The following FAT2 variants were observed in gnomAD, a reference collection of about 807,000 sequenced individuals.
The protein encoded by FAT2 is FAT atypical cadherin 2.
Under a neutral mutation model 295.3 loss-of-function variants are expected in FAT2, and 150 were observed. The observed-to-expected ratio is 0.51, with a 90% CI of 0.44 to 0.58. The LOEUF is 0.58. FAT2 is among the 20% of genes least tolerant of loss of function. The pLI, the probability that FAT2 is intolerant of heterozygous loss-of-function variation, is 0.00. For missense variants in FAT2, 4,868 were observed against 5,442.7 expected (o/e 0.89, Z 3.32); for synonymous variants, 2,026 against 2,150.3 (o/e 0.94, Z 1.60).
intron 1 of FAT2, among the ~76,000 whole-genome samples, chr5:151,588,084 A>C (rs1759247092): frequency 6.6e-6 from 1 of 152,168 alleles, no homozygotes; most frequent in Non-Finnish European, 1.5e-5. Context: ...AGTTACAGCT[A>C]TCTGTTGACT....
rs764919971 is a variant in FAT2, at chr5:151,505,589, G to T, written c.13026C>A (p.Gly4342=). 2.7e-5 allele frequency: 43 copies of T among 1,614,046 alleles called. No individual in the cohort carries two copies. Among genetic ancestry groups the T allele is most frequent in the Non-Finnish European group, 3.6e-5 (43 of 1,180,036 alleles). Residue 4342 remains glycine, a synonymous_variant, in exon 24 of 24, where the codon GGC becomes GGA. Coordinates refer to ENST00000261800, the MANE Select transcript of FAT2 (RefSeq NM_001447.3). The part of the protein sequence containing the change: ...EGSDMVESDY[G]SCEEVMF ...GCTAGAACATGACCTCCTCACAGCT[G>T]CCATAATCACTCTCCACCATGTCAG...
rs762516471 is a variant in FAT2 at position 151,567,983 on chromosome 5, C to A, written c.949G>T (p.Val317Phe). Residue 317 changes from valine to phenylalanine, a missense_variant, in exon 2 of 24, where the codon GTC becomes TTC. Physicochemically the swap from Val to Phe is conservative, Grantham distance 50. Transcript: ENST00000261800. ...ARSNEFSLVS[V>F]KDINWMEYLH... ...TACTCCATCCAGTTGATGTCTTTGA[C>A]AGACACCAAACTGAACTCATTGCTC... is the stretch of plus-strand genomic sequence containing the variant. 3 of 1,614,190 alleles carry A rather than the reference C, an allele frequency of 1.9e-6. No individual in the cohort carries two copies. The East Asian group carries it at 6.7e-5, about 36-fold the overall frequency.
intron 10 of FAT2, 37 bp downstream of exon 10, chr5:151,542,248 C>A (rs776960542): frequency 1.3e-6 from 2 of 1,527,662 alleles, no homozygotes; most frequent in Non-Finnish European, 1.8e-6. Flanking sequence ...TTTTTCGATA[C>A]ATTCCAGAGC....
chr5:151,569,615 T>G (rs1758444514), intron 1 of FAT2, among the ~76,000 whole-genome samples: 1 of 152,134 alleles, frequency 6.6e-6, no homozygotes, highest in African/African-American at 2.4e-5. Flanking sequence ...AGCAGACTAG[T>G]TCAAAATGCT....
chr5:151,514,969 A>G (rs1437552361), intron 20 of FAT2, among the ~76,000 whole-genome samples: 1 of 152,138 alleles, frequency 6.6e-6, no homozygotes, highest in East Asian at 1.9e-4. Flanking sequence ...TTCTTTACAG[A>G]TGATAATCTT....
At chr5:151,534,307 C>T (rs1754993077) in intron 13 of FAT2, 102 bp downstream of exon 13, 1 of 840,434 alleles carries the variant, frequency 1.2e-6, no homozygotes, top group Non-Finnish European at 1.8e-6. Context: ...AACAAGGAGG[C>T]ACCGCCCTTA....
chr5:151,550,945 C>T (rs1339168328), intron 7 of FAT2, 74 bp from the exon 8 acceptor site: 3 of 1,400,326 alleles, frequency 2.1e-6, no homozygotes, highest in East Asian at 2.3e-5. Context: ...CTGGACCTCC[C>T]TGTATCACCC....
rs1332323604 is a variant in FAT2 at position 151,529,391 on chromosome 5, C to T, written c.9813G>A (p.Gly3271=). The T allele has an allele frequency of 6.2e-7, 1 of 1,613,516 alleles. No homozygotes were observed. The highest frequency in any genetic ancestry group is 8.5e-7 in the Non-Finnish European group (1 of 1,179,932). The change falls in exon 15 of 24, where the codon GGG becomes GGA. Residue 3271 remains glycine, a splice_region_variant and synonymous_variant. Transcript: ENST00000261800. ...QGRFRLDART[G]ILYVNASLDF... is the part of the protein sequence containing the mutation. ...CCAGGCTTGCGTTGACATACAGGAT[C>T]CCTGAAGAAGCAAGAGGTGACAGCA...
rs570609588 is a variant in FAT2, at chr5:151,537,265, C to T, written c.9193+528G>A. 1.9e-3 allele frequency among the ~76,000 whole-genome samples: 252 copies of T among 134,488 alleles called. 2 individuals carry two copies. The highest frequency in any genetic ancestry group is 6.8e-3 in the African/African-American group (241 of 35,286). The allele number at this position is 134,488 out of a possible 152,430, so 88.2% of individuals were successfully genotyped here. On this transcript the variant is annotated intron_variant, in intron 12 of 23. Coordinates refer to ENST00000261800, the MANE Select transcript of FAT2 (RefSeq NM_001447.3). ...AAGAAAAAGGAGAATAATAAGAAGA[C>T]GATGGTGGTGGTGGAGGAGGAGGAG...
At chr5:151,558,338 G>C (rs1757875520) in intron 3 of FAT2, among the ~76,000 whole-genome samples, 1 of 152,144 alleles carries the variant, frequency 6.6e-6, no homozygotes. Flanking sequence ...CTTGTCGCCT[G>C]GGCACGGTGG....
chr5:151,577,039 C>A (rs996523834), intron 1 of FAT2, among the ~76,000 whole-genome samples: 2 of 152,184 alleles, frequency 1.3e-5, no homozygotes, highest in Admixed American at 1.3e-4. Context: ...TATGAGACCA[C>A]TCTCATATAT....
chr5:151,513,512 A>G (rs1297606293), intron 20 of FAT2, among the ~76,000 whole-genome samples: 2 of 152,204 alleles, frequency 1.3e-5, no homozygotes, highest in Non-Finnish European at 2.9e-5. Context: ...CAAATACCAC[A>G]TGTTCTCACT....
At position 151,512,184 on chromosome 5, in the gene FAT2, G is replaced by A. The variant is rs1405915875; in HGVS notation, c.11886C>T (p.Cys3962=). ...SQNTCLNGGK[C]SWTHGAGYVC... ...CCTCACCTGCCCCATGGGTCCATGA[G>A]CACTTCCCACCATTGAGGCATGTGT... Residue 3962 remains cysteine (C), a synonymous_variant, in exon 21 of 24, where the codon TGC becomes TGT. Transcript: ENST00000261800. This position sits in a 1 kb window ranked among gnomAD's most constrained non-coding sequence, Gnocchi z 4.1. 6.2e-7 allele frequency: 1 copy of A among 1,613,686 alleles called. No homozygotes were observed.
At position 151,517,656 on chromosome 5, in the gene FAT2, A is replaced by T. The variant is rs750298463; in HGVS notation, c.11427T>A (p.Leu3809=). ...YLKTLQPQAI[L]LFTNETASVS... The stretch of plus-strand genomic sequence containing the variant: ...CGGACGCTGTTTCATTGGTGAATAG[A>T]AGAATGGCCTGTGGCTGGAGTGTTT... Residue 3809 remains leucine, a synonymous_variant, in exon 20 of 24, where the codon CTT becomes CTA. Transcript: ENST00000261800. The T allele has an allele frequency of 1.4e-4, 226 of 1,614,022 alleles. 1 individual carries two copies. The Admixed American group carries it at 3.7e-3, about 26-fold the overall frequency.
At chr5:151,574,511 G>A (rs1190844753) in intron 1 of FAT2, among the ~76,000 whole-genome samples, 2 of 152,224 alleles carry the variant, frequency 1.3e-5, no homozygotes, top group Non-Finnish European at 2.9e-5. Flanking sequence ...TGACATTCTA[G>A]GTATCTGCTA....
chr5:151,588,184 A>T (rs1258715291), intron 1 of FAT2, among the ~76,000 whole-genome samples: 1 of 152,058 alleles, frequency 6.6e-6, no homozygotes, highest in African/African-American at 2.4e-5. Flanking sequence ...AGTCTGATTG[A>T]TGATGTTTTT....
At chr5:151,540,439 C>T in intron 11 of FAT2, 128 bp downstream of exon 11, 1 of 593,252 alleles carries the variant, frequency 1.7e-6, no homozygotes, top group Non-Finnish European at 2.9e-6. Context: ...CTCCCTTCTC[C>T]TGCCCCTCAC....
At chr5:151,590,815 T>C (rs927275933) in intron 1 of FAT2, among the ~76,000 whole-genome samples, 5 of 152,150 alleles carry the variant, frequency 3.3e-5, no homozygotes, top group African/African-American at 4.8e-5. Flanking sequence ...TAAAGGCTCA[T>C]CTCCAGAAAG....
In FAT2 at chr5:151,504,599, A is replaced by G. The variant is rs1760704824; in HGVS notation, c.*966T>C. 6.5e-6 allele frequency: 1 copy of G among 152,674 alleles called. No homozygotes were observed. Among genetic ancestry groups the G allele is most frequent in the African/African-American group, 2.4e-5 (1 of 41,462 alleles). The allele number at this position is 152,674 out of a possible 1,614,324, so 9.5% of individuals were successfully genotyped here. A position where few individuals can be genotyped will look rare whatever the true frequency, so the allele number is the denominator to read the frequency against. On this transcript the variant is annotated 3_prime_UTR_variant, in exon 24 of 24. Transcript: ENST00000261800. ...AGCTCCCTGCTTCCAACCGGCCCTA[A>G]ATAGGAGTTCAGACTTCCTTGTGTC...
Sources: allele counts gnomAD v4.1 joint callset (sites outside exome capture counted in the v4.1 genomes callset), GRCh38; gene constraint gnomAD v4.1.1; non-coding constraint Gnocchi (gnomAD v3.1); transcripts MANE v1.5; gene names NCBI Gene and HGNC (gene_info 2026-07-23, HGNC 2026-07-21).